MYOM3: variants seen among roughly 807,000 people sequenced by gnomAD.
MYOM3 encodes myomesin-3.
Under a neutral mutation model 191.7 loss-of-function variants are expected in MYOM3, and 155 were observed. The observed-to-expected ratio is 0.81, with a 90% CI of 0.71 to 0.92. The LOEUF (loss-of-function observed/expected upper bound fraction) is 0.92, where lower values mean the gene tolerates loss of function less well. MYOM3 is among the 40% of genes least tolerant of loss of function. The pLI is 0.00. For missense variants in MYOM3, 1,889 were observed against 1,890.6 expected (o/e 1.00, Z 0.02); for synonymous variants, 757 against 762.9 (o/e 0.99, Z 0.13).
chr1:24,061,868 A>G lies in MYOM3; in HGVS notation c.3934+78T>C, dbSNP rs1026261614. ...CAGCCTCCCAAAGTGCTGGGATTACAGGACTGACCCAGTGTGCCCAGACTG... is the reference window on the plus strand; with the variant it reads ...CAGCCTCCCAAAGTGCTGGGATTACGGGACTGACCCAGTGTGCCCAGACTG... On this transcript the variant is annotated intron_variant, in intron 33 of 36. Coordinates refer to ENST00000374434, the MANE Select transcript of MYOM3 (RefSeq NM_152372.4). 5 of 1,513,880 alleles carry G rather than the reference A, an allele frequency of 3.3e-6. No individual in the cohort carries two copies. The African/African-American group carries it at 6.8e-5, about 21-fold the overall frequency. The allele number at this position is 1,513,880 out of a possible 1,614,324, so 93.8% of individuals were successfully genotyped here. A position where few individuals can be genotyped will look rare whatever the true frequency, so the allele number is the denominator to read the frequency against.
At chr1:24,060,488 C>T (rs946407945) in intron 35 of MYOM3, among the ~76,000 whole-genome samples, 10 of 152,166 alleles carry the variant, frequency 6.6e-5, no homozygotes, top group East Asian at 5.8e-4. Context: ...GCTGCCTGCC[C>T]GGGTCTTTCC....
chr1:24,097,901 T>C lies in MYOM3; in HGVS notation c.745+22A>G, dbSNP rs1370161386. The C allele has an allele frequency of 6.5e-6, 10 of 1,549,478 alleles. No homozygotes were observed. The East Asian group carries it at 2.2e-4, about 35-fold the overall frequency. On this transcript the variant is annotated intron_variant, in intron 7 of 36. Coordinates refer to ENST00000374434, the MANE Select transcript of MYOM3 (RefSeq NM_152372.4). ...TGGGTTTGCTGTGGCCCGGAGTGCC[T>C]GTTGGGGTTGGGAGGACTTACTGCG...
At chr1:24,057,796 C>A (rs774033008) in intron 36 of MYOM3, among the ~76,000 whole-genome samples, 169 bp from the exon 37 acceptor site, 1 of 152,114 alleles carries the variant, frequency 6.6e-6, no homozygotes, top group Non-Finnish European at 1.5e-5. Flanking sequence ...AACCCCACAT[C>A]CTTCATCCTC....
intron 5 of MYOM3, among the ~76,000 whole-genome samples, chr1:24,102,425 C>T (rs754009424): frequency 6.6e-6 from 1 of 152,168 alleles, no homozygotes; most frequent in Non-Finnish European, 1.5e-5. Context: ...GTGGCTCTGG[C>T]ATGGCCGAGA....
chr1:24,091,759 G>A (rs930685837), intron 11 of MYOM3, among the ~76,000 whole-genome samples: 1 of 152,158 alleles, frequency 6.6e-6, no homozygotes, highest in Non-Finnish European at 1.5e-5. Context: ...TTCAGAGCCG[G>A]CCACACTGGA....
intron 1 of MYOM3, among the ~76,000 whole-genome samples, chr1:24,109,566 C>T (rs1421223006): frequency 6.6e-6 from 1 of 152,196 alleles, no homozygotes; most frequent in East Asian, 1.9e-4. Context: ...ATCTGTGCAT[C>T]TTGACTGTTC....
chr1:24,058,869 T>C (rs1643333677), intron 36 of MYOM3, 55 bp downstream of exon 36: 1 of 1,279,390 alleles, frequency 7.8e-7, no homozygotes, highest in Non-Finnish European at 1.1e-6. Context: ...CTGTGGTGGA[T>C]GCACGAAGGA....
rs779961761 is a variant in MYOM3, at chr1:24,106,057, C to T, written c.423G>A (p.Glu141=). Residue 141 remains glutamate (E), a synonymous_variant, in exon 5 of 37, where the codon GAG becomes GAA. Transcript: ENST00000374434. ...AGCACAGCTCCCTCAGCTCCTTGGC[C>T]TCCTGGACCTTCTCCTCTGTCTGGA... The part of the protein sequence containing the change: ...LRRRTEEKVQ[E]AKELRELCYG... 1 of 1,612,520 alleles carries T rather than the reference C, an allele frequency of 6.2e-7. No individual in the cohort carries two copies. Among genetic ancestry groups the T allele is most frequent in the Non-Finnish European group, 8.5e-7 (1 of 1,179,612 alleles).
At position 24,068,275 on chromosome 1, in the gene MYOM3, T is replaced by C. The variant is rs780806459; in HGVS notation, c.3243A>G (p.Gln1081=). Residue 1081 remains glutamine, a synonymous_variant, in exon 26 of 37, where the codon CAA becomes CAG. Transcript: ENST00000374434. The part of the protein sequence containing the change: ...SEEDKGSYTA[Q]LQDGKAKNQI... ...GGTTTTTGGCTTTTCCATCTTGGAG[T>C]TGAGCGGTGTACGACCCTTTGTCCT... is the stretch of plus-strand genomic sequence containing the variant. 1 of 1,614,000 alleles carries C rather than the reference T, an allele frequency of 6.2e-7. No homozygotes were observed. The highest frequency in any genetic ancestry group is 1.3e-5 in the African/African-American group (1 of 74,920).
chr1:24,099,641 G>A, intron 6 of MYOM3, 39 bp downstream of exon 6: 2 of 1,523,842 alleles, frequency 1.3e-6, no homozygotes, highest in Non-Finnish European at 1.8e-6. Flanking sequence ...GCGGTGGCAG[G>A]GTCTGGGGTC....
intron 9 of MYOM3, 35 bp from the exon 10 acceptor site, chr1:24,093,143 G>C (rs1643861177): frequency 6.5e-7 from 1 of 1,548,614 alleles, no homozygotes. Context: ...TTGAGTTTGT[G>C]GGGGGTCCTG....
At chr1:24,080,296 C>T (rs1468781397) in intron 19 of MYOM3, 102 bp from the exon 20 acceptor site, 4 of 928,572 alleles carry the variant, frequency 4.3e-6, no homozygotes, top group Non-Finnish European at 6.4e-6. Context: ...CTTGTCAATC[C>T]CTCAGTCACA....
chr1:24,103,198 C>T lies in MYOM3; in HGVS notation c.560+2722G>A, dbSNP rs900882520. Among the ~76,000 whole-genome samples the T allele has an allele frequency of 5.3e-5, 8 of 152,352 alleles. No individual in the cohort carries two copies. In the East Asian group the frequency reaches 5.8e-4, roughly 11 times the overall value. On this transcript the variant is annotated intron_variant, in intron 5 of 36. Transcript: ENST00000374434. ...GCCAGGGCCGCGCAGAGCTTGGCTG[C>T]GGGGAGGACAGCTGAGTTGCTAACC...
chr1:24,110,123 C>T (rs1644026097), intron 1 of MYOM3, among the ~76,000 whole-genome samples: 1 of 152,174 alleles, frequency 6.6e-6, no homozygotes, highest in African/African-American at 2.4e-5. Context: ...TGAGGGCCCC[C>T]CTGATGCTAA....
In MYOM3 at chr1:24,108,039, C is replaced by T. The variant is rs199782500; in HGVS notation, c.196G>A (p.Ala66Thr). The T allele has an allele frequency of 1.9e-4, 311 of 1,613,726 alleles. No individual in the cohort carries two copies. Among genetic ancestry groups the T allele is most frequent in the Non-Finnish European group, 2.4e-4 (281 of 1,179,916 alleles). The stretch of plus-strand genomic sequence containing the variant: ...GTCAGAGCCAGGGCTGCTGCCAGGG[C>T]GTAGTCCGCGGCGCTGAACTCATGC... ...EEHEFSAADY[A>T]LAAALALTAS... Residue 66 changes from alanine (A) to threonine (T), a missense_variant, in exon 3 of 37, where the codon GCC becomes ACC. By Grantham distance (58) the Ala-to-Thr change is moderately conservative (BLOSUM62 0). Coordinates refer to ENST00000374434, the MANE Select transcript of MYOM3 (RefSeq NM_152372.4).
In MYOM3 at chr1:24,086,560, T is replaced by G. The variant is rs570834477; in HGVS notation, c.1798+84A>C. 85 of 1,377,480 alleles carry G rather than the reference T, an allele frequency of 6.2e-5. 1 individual carries two copies. The African/African-American group carries it at 1.1e-3, about 18-fold the overall frequency. 85.3% of individuals were successfully genotyped at this position (1,377,480 alleles called of 1,614,324 possible). Reference sequence around the variant, plus strand: ...GTAGAAGGGAGCGGGGACAGGGAAGTGGGCAGGGCTTTGTCCCTGCAGCTT... The same window carrying G: ...GTAGAAGGGAGCGGGGACAGGGAAGGGGGCAGGGCTTTGTCCCTGCAGCTT... On this transcript the variant is annotated intron_variant, in intron 15 of 36. Transcript: ENST00000374434.
chr1:24,057,338 C>T lies in MYOM3; in HGVS notation c.*26G>A, dbSNP rs771266969. 1 of 1,604,006 alleles carries T rather than the reference C, an allele frequency of 6.2e-7. No homozygotes were observed. ...TCCCTACTGGTCCATGTAGACTAGA[C>T]TCAGACTGTGCCTGGACACACGCTG... is the stretch of plus-strand genomic sequence containing the variant. On this transcript the variant is annotated 3_prime_UTR_variant, in exon 37 of 37. Transcript: ENST00000374434.
intron 36 of MYOM3, among the ~76,000 whole-genome samples, chr1:24,057,999 G>A (rs770781036): frequency 3.5e-4 from 53 of 152,070 alleles, no homozygotes; most frequent in African/African-American, 1.3e-3. Context: ...TAGAGATGGG[G>A]TTTTGCCGTG....
intron 25 of MYOM3, 87 bp from the exon 26 acceptor site, chr1:24,068,454 G>T: frequency 6.6e-7 from 1 of 1,508,256 alleles, no homozygotes; most frequent in Non-Finnish European, 9.1e-7. Flanking sequence ...GCTTGGGGGT[G>T]GTAAGCACAG....
Sources: allele counts gnomAD v4.1 joint callset (sites outside exome capture counted in the v4.1 genomes callset), GRCh38; gene constraint gnomAD v4.1.1; transcripts MANE v1.5; gene names NCBI Gene and HGNC (gene_info 2026-07-23, HGNC 2026-07-21).